The following ANO10 variants were observed in gnomAD, a reference collection of about 807,000 sequenced individuals.
ANO10 encodes anoctamin-10.
A neutral mutation model predicts 74.7 loss-of-function variants in ANO10; 77 were observed. That is an observed-to-expected ratio of 1.03 (90% CI 0.86 to 1.25). The LOEUF is 1.25. Ranked by LOEUF, ANO10 falls within the 50% of genes most tolerant of loss-of-function variation. The probability of loss-of-function intolerance (pLI) is 0.00; values close to 1 mark genes in which losing one functional copy is unlikely to be tolerated. For missense variants in ANO10, 721 were observed against 778.1 expected, an observed-to-expected ratio of 0.93 and a Z score of 0.87; for synonymous variants, 279 against 284.9, an observed-to-expected ratio of 0.98 and a Z score of 0.21.
chr3:43,463,646 C>A (rs1239662351), intron 11 of ANO10, among the ~76,000 whole-genome samples: 1 of 152,188 alleles, frequency 6.6e-6, no homozygotes. Flanking sequence ...TGTACCCCCA[C>A]TGTATCTAGG....
chr3:43,552,253 C>T (rs183154266), intron 10 of ANO10, among the ~76,000 whole-genome samples: 2 of 152,220 alleles, frequency 1.3e-5, no homozygotes, highest in East Asian at 3.9e-4. Flanking sequence ...AAGAATCAGA[C>T]AGTGTATCTT....
At chr3:43,443,930 C>A (rs2148973828) in intron 11 of ANO10, among the ~76,000 whole-genome samples, 1 of 152,210 alleles carries the variant, frequency 6.6e-6, no homozygotes, top group African/African-American at 2.4e-5. Flanking sequence ...GATCCACCTG[C>A]CTCGGCCTCC....
At position 43,691,157 on chromosome 3, in the gene ANO10, C is replaced by T. The variant is rs1215971299; in HGVS notation, c.-12+360G>A. The T allele has an allele frequency of 5.6e-5, 58 of 1,041,298 alleles. 1 individual carries two copies. Among genetic ancestry groups the T allele is most frequent in the Admixed American group, 8.5e-5 (2 of 23,454 alleles). 64.5% of individuals were successfully genotyped at this position (1,041,298 alleles called of 1,614,324 possible). A position where few individuals can be genotyped will look rare whatever the true frequency, so the allele number is the denominator to read the frequency against. On this transcript the variant is annotated intron_variant, in intron 1 of 3. Coordinates refer to the ANO10 transcript ENST00000413397. The stretch of plus-strand genomic sequence containing the variant: ...CCGCCCGCCTGGCGACGACGGGCGG[C>T]TTCCTCGACCCTCCCCGGCATGAGT...
chr3:43,620,668 C>G (rs2083345878), intron 1 of ANO10, among the ~76,000 whole-genome samples: 1 of 152,124 alleles, frequency 6.6e-6, no homozygotes, highest in Admixed American at 6.5e-5. Flanking sequence ...ATCCCAGCTA[C>G]TCGGGAGAAT....
intron 11 of ANO10, among the ~76,000 whole-genome samples, chr3:43,523,493 C>T (rs2078050370): frequency 6.6e-6 from 1 of 152,234 alleles, no homozygotes; most frequent in African/African-American, 2.4e-5. Context: ...TAAGAACATG[C>T]TATGCTGTAG....
At chr3:43,497,160 C>T (rs577576294) in intron 11 of ANO10, among the ~76,000 whole-genome samples, 140 of 152,254 alleles carry the variant, frequency 9.2e-4, no homozygotes, top group Middle Eastern at 3.4e-3. Context: ...AGACAATAAA[C>T]CTACTGGAGG....
chr3:43,387,032 G>A (rs2092141615), intron 12 of ANO10, among the ~76,000 whole-genome samples: 2 of 152,144 alleles, frequency 1.3e-5, no homozygotes, highest in Admixed American at 1.3e-4. Context: ...GATGGGACAC[G>A]TTCTGAGAAC....
chr3:43,670,428 T>A (rs1204802841), intron 1 of ANO10, among the ~76,000 whole-genome samples: 1 of 152,164 alleles, frequency 6.6e-6, no homozygotes, highest in Non-Finnish European at 1.5e-5. Context: ...CTTAATTTTT[T>A]AAAAATCAGA....
chr3:43,368,920 C>T (rs978785204), intron 12 of ANO10, among the ~76,000 whole-genome samples: 11 of 152,210 alleles, frequency 7.2e-5, no homozygotes, highest in Non-Finnish European at 1.3e-4. Context: ...AGCCACATTT[C>T]CCTGGCATTC....
chr3:43,508,893 T>C (rs1283331554), intron 11 of ANO10, among the ~76,000 whole-genome samples: 3 of 143,578 alleles, frequency 2.1e-5, no homozygotes, highest in Non-Finnish European at 3.0e-5. Context: ...TGTATACATA[T>C]GTAACAAACC....
At chr3:43,530,060 G>A (rs931350110) in intron 11 of ANO10, among the ~76,000 whole-genome samples, 18 of 152,042 alleles carry the variant, frequency 1.2e-4, no homozygotes, top group Non-Finnish European at 2.4e-4. Context: ...TCAGAAAGGC[G>A]AAAACTGAAG....
intron 11 of ANO10, among the ~76,000 whole-genome samples, chr3:43,480,553 A>G (rs750160352): frequency 4.6e-5 from 7 of 152,206 alleles, no homozygotes; most frequent in Non-Finnish European, 8.8e-5. Context: ...GCAGATGGGC[A>G]TAAAGATGTC....
intron 12 of ANO10, among the ~76,000 whole-genome samples, chr3:43,420,047 T>C (rs1373096320): frequency 6.6e-6 from 1 of 152,238 alleles, no homozygotes; most frequent in Non-Finnish European, 1.5e-5. Context: ...AAAGTCTAAA[T>C]TTCCTAGCCT....
At chr3:43,474,737 T>A (rs1330939532) in intron 11 of ANO10, among the ~76,000 whole-genome samples, 1 of 152,232 alleles carries the variant, frequency 6.6e-6, no homozygotes, top group East Asian at 1.9e-4. Flanking sequence ...TTTGCATTTA[T>A]GGTCATTACA....
chr3:43,434,276 G>A (rs2093034624), intron 11 of ANO10, among the ~76,000 whole-genome samples: 1 of 152,158 alleles, frequency 6.6e-6, no homozygotes, highest in Non-Finnish European at 1.5e-5. Context: ...TCTAGAGTAG[G>A]AAAACAAGTA....
In ANO10 at chr3:43,429,686, C is replaced by T. The variant is rs528900586; in HGVS notation, c.1914+2925G>A. On this transcript the variant is annotated intron_variant, in intron 12 of 12. Transcript: ENST00000292246. The stretch of plus-strand genomic sequence containing the variant: ...ACCTAAAATCTTTTAGTCATAAATT[C>T]AATAGCTGCAAAAATGTAGGCAGTG... Among the ~76,000 whole-genome samples, 3 of 152,178 alleles carry T rather than the reference C, an allele frequency of 2.0e-5. No homozygotes were observed. In the East Asian group the frequency reaches 5.8e-4, roughly 29 times the overall value.
At chr3:43,374,511 C>T (rs2091729834) in intron 12 of ANO10, among the ~76,000 whole-genome samples, 1 of 152,218 alleles carries the variant, frequency 6.6e-6, no homozygotes, top group Admixed American at 6.5e-5. Flanking sequence ...TCCTAACCTA[C>T]AGGCTGCCCG....
At chr3:43,673,976 C>A (rs1018553251) in intron 1 of ANO10, among the ~76,000 whole-genome samples, 4 of 152,080 alleles carry the variant, frequency 2.6e-5, no homozygotes, top group Admixed American at 6.6e-5. Context: ...TCACATACGT[C>A]CAGAAAAGTA....
intron 12 of ANO10, among the ~76,000 whole-genome samples, chr3:43,380,841 C>T (rs1295229919): frequency 6.6e-6 from 1 of 152,184 alleles, no homozygotes; most frequent in Non-Finnish European, 1.5e-5. Context: ...TACCTCACAT[C>T]TCAATACTAA....
Sources: allele counts gnomAD v4.1 joint callset (sites outside exome capture counted in the v4.1 genomes callset), GRCh38; gene constraint gnomAD v4.1.1; transcripts MANE v1.5; gene names NCBI Gene and HGNC (gene_info 2026-07-23, HGNC 2026-07-21).